The following PRDM4 variants were observed in gnomAD, a reference collection of about 807,000 sequenced individuals.
The protein encoded by PRDM4 is PR/SET domain 4.
In PRDM4, 38 loss-of-function variants were observed where a neutral mutation model predicts 62.3. The observed-to-expected ratio is 0.61, with a 90% CI of 0.47 to 0.80. The LOEUF is 0.80. Among genes scored for constraint, PRDM4 ranks in the 30% least tolerant of loss-of-function variants. The probability of loss-of-function intolerance (pLI) is 0.00; values close to 1 mark genes in which losing one functional copy is unlikely to be tolerated. For synonymous variants in PRDM4, 339 were observed against 348.2 expected (o/e 0.97, Z 0.30); for missense variants, 858 against 997.1 (o/e 0.86, Z 1.88).
Position 107,760,609 on chromosome 12 carries a change from G to C in PRDM4, c.-94C>G. On this transcript the variant is annotated 5_prime_UTR_variant, in exon 2 of 12. Coordinates refer to ENST00000228437, the MANE Select transcript of PRDM4 (RefSeq NM_012406.4). ...CCAGGGTCACGTGCTACCACATCTTGCTCACAACCGCTGCACCGACGCGGC... is the reference window on the plus strand; with the variant it reads ...CCAGGGTCACGTGCTACCACATCTTCCTCACAACCGCTGCACCGACGCGGC... The C allele has an allele frequency of 4.0e-6, 6 of 1,491,974 alleles. No homozygotes were observed. In the Middle Eastern group the frequency reaches 5.2e-4, roughly 130 times the overall value. The allele number at this position is 1,491,974 out of a possible 1,614,324, so 92.4% of individuals were successfully genotyped here.
chr12:107,743,132 G>C, intron 8 of PRDM4, 65 bp downstream of exon 8: 3 of 1,322,508 alleles, frequency 2.3e-6, no homozygotes, highest in Non-Finnish European at 2.2e-6. Context: ...CTTCTTTTAT[G>C]CAAAGCTTCC....
chr12:107,742,635 A>G (rs1326393110), intron 8 of PRDM4: 1 of 378,690 alleles, frequency 2.6e-6, no homozygotes, highest in Non-Finnish European at 4.8e-6. Flanking sequence ...ACAGTATGAC[A>G]AAGACATAGA....
At chr12:107,758,697 T>A (rs1891137010) in intron 2 of PRDM4, among the ~76,000 whole-genome samples, 1 of 152,248 alleles carries the variant, frequency 6.6e-6, no homozygotes, top group Non-Finnish European at 1.5e-5. Flanking sequence ...ACTTATATTG[T>A]GGCGTATATT....
At chr12:107,750,314 A>G (rs10861775) in intron 5 of PRDM4, among the ~76,000 whole-genome samples, 100,594 of 151,854 alleles carry the variant, frequency 0.66, 33,406 homozygotes, top group East Asian at 0.79. Context: ...GGGAGGCTGA[A>G]GCAGGAAGAT....
intron 8 of PRDM4, 98 bp downstream of exon 8, chr12:107,743,099 G>GTAATTTGGATTCT: frequency 1.0e-6 from 1 of 985,304 alleles, no homozygotes; most frequent in Admixed American, 2.0e-5. Context: ...AGGTGTTGGT[G>GTAATTTGGATTCT]TAATTTGGAT....
At position 107,741,280 on chromosome 12, in the gene PRDM4, C is replaced by T. The variant is rs200469089; in HGVS notation, c.1610-20G>A. 2.7e-5 allele frequency: 42 copies of T among 1,584,388 alleles called. No individual in the cohort carries two copies. Among genetic ancestry groups the T allele is most frequent in the Non-Finnish European group, 3.1e-5 (36 of 1,159,278 alleles). On this transcript the variant is annotated intron_variant, in intron 9 of 11. Transcript: ENST00000228437. ...GAACACCTTTTAAAAAAAAATTACT[C>T]ATTATCTCCCAATACTTGAATCTTA...
chr12:107,739,545 T>C lies in PRDM4; in HGVS notation c.1931A>G (p.Lys644Arg), dbSNP rs757084024. Residue 644 changes from lysine to arginine, a missense_variant, in exon 11 of 12, where the codon AAG (lysine) becomes AGG (arginine). Transcript: ENST00000228437. ...RTHLKIHTGQ[K>R]NYRCTLCDKS... ...GTCACACAAGGTACACCTGTAGTTC[T>C]TCTGACCTGCAATCAGCCCAAAGTA... The C allele has an allele frequency of 3.0e-5, 49 of 1,613,192 alleles. 2 individuals are homozygous for C. The Middle Eastern group carries it at 6.3e-3, about 207-fold the overall frequency.
chr12:107,748,523 G>A (rs1890790949), intron 5 of PRDM4, among the ~76,000 whole-genome samples: 1 of 152,188 alleles, frequency 6.6e-6, no homozygotes, highest in African/African-American at 2.4e-5. Flanking sequence ...ACAAATACAT[G>A]CTACAACATG....
At chr12:107,756,302 T>C (rs2136334156) in intron 3 of PRDM4, among the ~76,000 whole-genome samples, 1 of 152,302 alleles carries the variant, frequency 6.6e-6, no homozygotes, top group Non-Finnish European at 1.5e-5. Context: ...CTATACGATT[T>C]TGCTGTGTAT....
At chr12:107,738,593 T>C (rs1290734502) in intron 11 of PRDM4, 1 of 152,230 alleles carries the variant, frequency 6.6e-6, no homozygotes, top group Admixed American at 6.5e-5. Context: ...CTCTTCTTTC[T>C]ATGACCACTG....
chr12:107,755,253 C>T (rs554167940), intron 3 of PRDM4, among the ~76,000 whole-genome samples: 7 of 151,918 alleles, frequency 4.6e-5, no homozygotes, highest in Non-Finnish European at 7.4e-5. Flanking sequence ...TGCCACCATG[C>T]GCTGCTAATT....
At chr12:107,744,819 G>A (rs1890636376) in intron 6 of PRDM4, 158 bp from the exon 7 acceptor site, 1 of 993,808 alleles carries the variant, frequency 1.0e-6, no homozygotes, top group Non-Finnish European at 1.4e-6. Context: ...CGGCACTTTG[G>A]GAGGCCGAGG....
rs765657136 is a variant in PRDM4 at position 107,751,660 on chromosome 12, A to G, written c.881T>C (p.Met294Thr). ...TGCCACGCTTACAGAGTTGGTGCTC[A>G]TGGCCACAGTGTGAATGGAGTCACT... ...ALSDSIHTVA[M>T]STNSVSVALS... Residue 294 changes from methionine (M) to threonine (T), a missense_variant, in exon 5 of 12, where the codon ATG becomes ACG. Around this residue, in one of 3 missense-constraint regions of PRDM4, gnomAD observed 499 missense variants for 546.7 expected, o/e 0.91. Coordinates refer to ENST00000228437, the MANE Select transcript of PRDM4 (RefSeq NM_012406.4). 2.5e-6 allele frequency: 4 copies of G among 1,614,076 alleles called. No individual in the cohort carries two copies. Among genetic ancestry groups the G allele is most frequent in the South Asian group, 1.1e-5 (1 of 91,088 alleles).
At chr12:107,746,510 A>G (rs1890712923) in intron 5 of PRDM4, 86 bp from the exon 6 acceptor site, 1 of 1,285,620 alleles carries the variant, frequency 7.8e-7, no homozygotes, top group Non-Finnish European at 1.1e-6. Context: ...TTTTGAGACA[A>G]AGTCTTGCTC....
Position 107,760,556 on chromosome 12 carries a change from GT to G in PRDM4, c.-42del, listed in dbSNP as rs1202818103. ...TATCAGAGAAAGGAGCGCTCGGGTG[GT>G]GGGGAACAGGCATCAGGGTTTGCGT... On this transcript the variant is annotated 5_prime_UTR_variant, in exon 2 of 12. Coordinates refer to ENST00000228437, the MANE Select transcript of PRDM4 (RefSeq NM_012406.4). The G allele has an allele frequency of 6.2e-7, 1 of 1,611,462 alleles. No individual in the cohort carries two copies. The highest frequency in any genetic ancestry group is 2.2e-5 in the East Asian group (1 of 44,644).
At chr12:107,746,216 A>C in intron 6 of PRDM4, 59 bp downstream of exon 6, 1 of 1,579,288 alleles carries the variant, frequency 6.3e-7, no homozygotes, top group Non-Finnish European at 8.6e-7. Context: ...CACTTTTACA[A>C]CTCTACGCTA....
In PRDM4 at chr12:107,746,293, T is replaced by C. The variant is rs147267864; in HGVS notation, c.1258A>G (p.Ile420Val). The change falls in exon 6 of 12, where the codon ATT becomes GTT. Residue 420 changes from isoleucine (I) to valine (V), a missense_variant. Around this residue, in one of 3 missense-constraint regions of PRDM4, gnomAD observed 499 missense variants for 546.7 expected, o/e 0.91. Transcript: ENST00000228437. ...TTCTTACCAACTTCTGCTCCCACAATTGACTGACGGAGAACAAGCTGCTTT... is the reference window on the plus strand; with the variant it reads ...TTCTTACCAACTTCTGCTCCCACAACTGACTGACGGAGAACAAGCTGCTTT... ...LPKQLVLRQS[I>V]VGAEVGVWTG... The C allele has an allele frequency of 5.1e-5, 83 of 1,613,908 alleles. No individual in the cohort carries two copies. Among genetic ancestry groups the C allele is most frequent in the Non-Finnish European group, 6.6e-5 (78 of 1,179,996 alleles).
In PRDM4 at chr12:107,740,374, C is replaced by A. The variant is rs566249699; in HGVS notation, c.1924+572G>T. On this transcript the variant is annotated intron_variant, in intron 10 of 11. Coordinates refer to ENST00000228437, the MANE Select transcript of PRDM4 (RefSeq NM_012406.4). ...TGGTGGCGCATGTCTGCAGTCCATGCTACTCAGGAGGCTGAGGTGGGAGGA... is the reference window on the plus strand; with the variant it reads ...TGGTGGCGCATGTCTGCAGTCCATGATACTCAGGAGGCTGAGGTGGGAGGA... Among the ~76,000 whole-genome samples the A allele has an allele frequency of 2.6e-5, 4 of 152,120 alleles. No homozygotes were observed. In the South Asian group the frequency reaches 8.3e-4, roughly 32 times the overall value.
rs572991913 is a variant in PRDM4, at chr12:107,744,648, T to C, written c.1290A>G (p.Gly430=). The change falls in exon 7 of 12, where the codon GGA becomes GGG. Residue 430 remains glycine (G), a synonymous_variant. Transcript: ENST00000228437. ...IVGAEVGVWT[G]ETIPVRTCFG... ...AGCAAGTCCGCACAGGAATGGTTTC[T>C]CCAGTCCATACACCTGTCAGTGGAA... 1.3e-4 allele frequency: 217 copies of C among 1,613,750 alleles called. 3 individuals are homozygous for C. In the South Asian group the frequency reaches 2.2e-3, roughly 16 times the overall value.
Sources: gnomAD v4.1 joint callset for allele counts (sites outside exome capture counted in the v4.1 genomes callset) on GRCh38, gnomAD v4.1.1 for gene constraint, gnomAD v4.1.1 regional missense constraint, MANE v1.5 for transcripts, NCBI Gene and HGNC (gene_info 2026-07-23, HGNC 2026-07-21) for gene names.